Variants in ZNF229 observed in about 807,000 individuals in gnomAD.
ZNF229 encodes zinc finger protein 229.
Under a neutral mutation model 11.8 loss-of-function variants are expected in ZNF229, and 10 were observed. The ratio of observed to expected loss-of-function variants is 0.85; its 90% CI spans 0.52 to 1.44. ZNF229 has a LOEUF of 1.44. Among genes scored for constraint, ZNF229 ranks in the 40% most tolerant of loss-of-function variants. The probability of loss-of-function intolerance (pLI) is 0.00; values close to 1 mark genes in which losing one functional copy is unlikely to be tolerated. For missense variants in ZNF229, 1,045 were observed against 1,015.1 expected, an observed-to-expected ratio of 1.03 and a Z score of -0.40; for synonymous variants, 368 against 374.8, an observed-to-expected ratio of 0.98 and a Z score of 0.21.
chr19:44,441,727 G>T (rs969878314), intron 4 of ZNF229, among the ~76,000 whole-genome samples: 1 of 152,072 alleles, frequency 6.6e-6, no homozygotes, highest in Non-Finnish European at 1.5e-5. Flanking sequence ...TACACATTTG[G>T]CTGTTATGAA....
intron 5 of ZNF229, chr19:44,431,959 T>G: frequency 1.5e-6 from 1 of 673,518 alleles, no homozygotes; most frequent in South Asian, 3.8e-5. Context: ...AGCTCTTCTC[T>G]GCTACGTGAG....
chr19:44,442,958 A>G lies in ZNF229; in HGVS notation c.-111T>C. ...CCTTTTTCATTCCGGAAACTCTCCA[A>G]GCTCTGACAAGTTCCTGTCTCCACC... On this transcript the variant is annotated 5_prime_UTR_variant, in exon 3 of 6. Coordinates refer to ENST00000614049, the MANE Select transcript of ZNF229 (RefSeq NM_014518.4). 1.6e-6 allele frequency: 2 copies of G among 1,284,426 alleles called. No homozygotes were observed. The highest frequency in any genetic ancestry group is 2.2e-6 in the Non-Finnish European group (2 of 890,928). The allele number at this position is 1,284,426 out of a possible 1,614,324, so 79.6% of individuals were successfully genotyped here. A position where few individuals can be genotyped will look rare whatever the true frequency, so the allele number is the denominator to read the frequency against.
At chr19:44,431,895 G>C (rs1971729173) in intron 5 of ZNF229, 2 of 777,710 alleles carry the variant, frequency 2.6e-6, no homozygotes, top group Non-Finnish European at 3.2e-6. Flanking sequence ...TTAAGTCATG[G>C]AGGTGGAACC....
Position 44,428,273 on chromosome 19 carries a change from T to C in ZNF229, c.*30A>G. On this transcript the variant is annotated 3_prime_UTR_variant, in exon 6 of 6. Transcript: ENST00000614049. ...TGGCTCTCAGATGGATAGAAAGCTC[T>C]GAGTCCCAGATGGAATCCTCTATGT... is the stretch of plus-strand genomic sequence containing the variant. 2.6e-6 allele frequency: 4 copies of C among 1,560,384 alleles called. No individual in the cohort carries two copies. The highest frequency in any genetic ancestry group is 3.5e-6 in the Non-Finnish European group (4 of 1,151,532).
Position 44,428,868 on chromosome 19 carries a change from C to A in ZNF229, c.1913G>T (p.Ser638Ile). 6.2e-7 allele frequency: 1 copy of A among 1,613,932 alleles called. No homozygotes were observed. The highest frequency in any genetic ancestry group is 1.1e-5 in the South Asian group (1 of 91,062). Reference sequence around the variant, plus strand: ...GTGAATGAGAAGCCCTGAGCTGTAACTGAAGCCTTTGCCACACTCAGCACA... The same window carrying A: ...GTGAATGAGAAGCCCTGAGCTGTAAATGAAGCCTTTGCCACACTCAGCACA... Reference protein sequence around the residue: ...YKCAECGKGFSYSSGLLIHQR... With the variant: ...YKCAECGKGFIYSSGLLIHQR... The change falls in exon 6 of 6, where the codon AGT becomes ATT. Residue 638 changes from serine to isoleucine, a missense_variant. Physicochemically the swap from Ser to Ile is moderately radical, Grantham distance 142. Coordinates refer to ENST00000614049, the MANE Select transcript of ZNF229 (RefSeq NM_014518.4).
At chr19:44,432,432 G>T (rs1971740330) in intron 4 of ZNF229, 66 bp from the exon 5 acceptor site, 3 of 1,574,096 alleles carry the variant, frequency 1.9e-6, no homozygotes, top group Non-Finnish European at 1.7e-6. Context: ...CACAGAGCAG[G>T]TTTATAGAAA....
At position 44,429,890 on chromosome 19, in the gene ZNF229, CTCA is replaced by C; in HGVS notation, c.888_890del (p.Asp296del). The stretch of plus-strand genomic sequence containing the variant: ...CACTGTGCCTCAAGCCCTCACTAAA[CTCA>C]TCATATTGACAGAGTTTCTCTTTCA... On this transcript the variant is annotated inframe_deletion, in exon 6 of 6. Coordinates refer to ENST00000614049, the MANE Select transcript of ZNF229 (RefSeq NM_014518.4). 1 of 1,614,060 alleles carries C rather than the reference CTCA, an allele frequency of 6.2e-7. No homozygotes were observed.
intron 2 of ZNF229, among the ~76,000 whole-genome samples, chr19:44,443,680 G>A (rs949301339): frequency 3.9e-5 from 6 of 152,112 alleles, no homozygotes; most frequent in African/African-American, 1.2e-4. Flanking sequence ...AAAGAGTAAT[G>A]AGCATAAACA....
At chr19:44,444,234 C>G (rs1303949862) in intron 2 of ZNF229, among the ~76,000 whole-genome samples, 2 of 152,158 alleles carry the variant, frequency 1.3e-5, no homozygotes, top group Non-Finnish European at 2.9e-5. Context: ...CCCACCTTGC[C>G]TGGCCTCTTT....
chr19:44,429,585 T>C lies in ZNF229; in HGVS notation c.1196A>G (p.His399Arg), dbSNP rs368611888. The C allele has an allele frequency of 1.9e-6, 3 of 1,614,034 alleles. No individual in the cohort carries two copies. The highest frequency in any genetic ancestry group is 2.5e-6 in the Non-Finnish European group (3 of 1,180,046). ...GCATTTATATGGTTTCTCTCCAGTGTGGACCCTCTGATGGACAAGCAGGTT... is the reference window on the plus strand; with the variant it reads ...GCATTTATATGGTTTCTCTCCAGTGCGGACCCTCTGATGGACAAGCAGGTT... ...SSNLLVHQRV[H>R]TGEKPYKCSE... The change falls in exon 6 of 6, where the codon CAC (histidine) becomes CGC (arginine). Residue 399 changes from histidine to arginine, a missense_variant. By Grantham distance (29) the His-to-Arg change is conservative (BLOSUM62 0). Transcript: ENST00000614049.
At chr19:44,431,887 A>C (rs1971729053) in intron 5 of ZNF229, 2 of 851,810 alleles carry the variant, frequency 2.3e-6, no homozygotes, top group Non-Finnish European at 2.9e-6. Context: ...GGAGGTAATT[A>C]AGTCATGGAG....
At position 44,443,040 on chromosome 19, in the gene ZNF229, G is replaced by A. The variant is rs1433274291; in HGVS notation, c.-177-16C>T. On this transcript the variant is annotated splice_polypyrimidine_tract_variant and intron_variant, in intron 2 of 5. Coordinates refer to ENST00000614049, the MANE Select transcript of ZNF229 (RefSeq NM_014518.4). Reference sequence around the variant, plus strand: ...GTCAGGGGACCTGTAGGTTCGGGAGGGAACTTTACTTAGTCCTTTCTTCTG... The same window carrying A: ...GTCAGGGGACCTGTAGGTTCGGGAGAGAACTTTACTTAGTCCTTTCTTCTG... 6 of 637,086 alleles carry A rather than the reference G, an allele frequency of 9.4e-6. No homozygotes were observed. In the Admixed American group the frequency reaches 1.4e-4, roughly 15 times the overall value. 39.5% of individuals were successfully genotyped at this position (637,086 alleles called of 1,614,324 possible).
chr19:44,431,682 G>GA, intron 5 of ZNF229: 2 of 855,220 alleles, frequency 2.3e-6, no homozygotes, highest in South Asian at 5.3e-5. Flanking sequence ...AAGGGGTGAG[G>GA]AATGGGACCT....
chr19:44,444,090 C>G (rs377270461), intron 2 of ZNF229, among the ~76,000 whole-genome samples: 1 of 152,140 alleles, frequency 6.6e-6, no homozygotes, highest in African/African-American at 2.4e-5. Flanking sequence ...CTCTGGCACA[C>G]GGGAAGCACT....
intron 4 of ZNF229, among the ~76,000 whole-genome samples, chr19:44,438,827 CTTA>C (rs1568406571): frequency 1.3e-5 from 2 of 152,204 alleles, no homozygotes; most frequent in Non-Finnish European, 2.9e-5. Flanking sequence ...CTCCATGCCC[CTTA>C]CCCCATACCT....
At position 44,428,093 on chromosome 19, in the gene ZNF229, A is replaced by G. The variant is rs996742934; in HGVS notation, c.*210T>C. Reference sequence around the variant, plus strand: ...TTCTTTAAAGCCTACTCCGCTGCACAACAGACTCTTAAAGACTGAAGTTTG... The same window carrying G: ...TTCTTTAAAGCCTACTCCGCTGCACGACAGACTCTTAAAGACTGAAGTTTG... On this transcript the variant is annotated 3_prime_UTR_variant, in exon 6 of 6. Transcript: ENST00000614049. 5.4e-6 allele frequency: 3 copies of G among 555,498 alleles called. No individual in the cohort carries two copies. The African/African-American group carries it at 5.6e-5, about 10-fold the overall frequency. 34.4% of individuals were successfully genotyped at this position (555,498 alleles called of 1,614,324 possible).
chr19:44,432,608 C>T (rs533023487), intron 4 of ZNF229, among the ~76,000 whole-genome samples: 3 of 151,656 alleles, frequency 2.0e-5, no homozygotes, highest in African/African-American at 7.3e-5. Flanking sequence ...CCAAACTCCG[C>T]ATGTTCTCAC....
intron 4 of ZNF229, among the ~76,000 whole-genome samples, chr19:44,440,193 T>C (rs879256464): frequency 4.0e-5 from 6 of 151,772 alleles, no homozygotes; most frequent in Non-Finnish European, 8.8e-5. Flanking sequence ...AAAAACAACT[T>C]AGAGCTTAGC....
Position 44,427,236 on chromosome 19 carries a change from C to CA in ZNF229, c.*1066dup, listed in dbSNP as rs1429915827. 2 of 88,386 alleles carry CA rather than the reference C, an allele frequency of 2.3e-5. No individual in the cohort carries two copies. The highest frequency in any genetic ancestry group is 8.1e-5 in the African/African-American group (2 of 24,840). The allele number at this position is 88,386 out of a possible 1,614,324, so 5.5% of individuals were successfully genotyped here. ...GCCAAACCATATCAGACTGTTTCTA[C>CA]AACCCCCCCCCCCGCCCCCACTGAT... On this transcript the variant is annotated 3_prime_UTR_variant, in exon 6 of 6. Transcript: ENST00000614049.
Sources: gnomAD v4.1 joint callset for allele counts (sites outside exome capture counted in the v4.1 genomes callset) on GRCh38, gnomAD v4.1.1 for gene constraint, MANE v1.5 for transcripts, NCBI Gene and HGNC (gene_info 2026-07-23, HGNC 2026-07-21) for gene names.